The following SNX5 variants were observed in gnomAD, a reference collection of about 807,000 sequenced individuals.
SNX5 encodes sorting nexin-5.
In SNX5, 31 loss-of-function variants were observed where a neutral mutation model predicts 53.9. That is an observed-to-expected ratio of 0.58 (90% CI 0.43 to 0.78). SNX5 has a LOEUF of 0.78. SNX5 is among the 30% of genes least tolerant of loss of function. SNX5 has a pLI of 0.00. For synonymous variants in SNX5, 168 were observed against 171.1 expected (o/e 0.98, Z 0.14); for missense variants, 471 against 478.8 (o/e 0.98, Z 0.15).
intron 4 of SNX5, among the ~76,000 whole-genome samples, chr20:17,952,976 A>G (rs2039591301): frequency 6.6e-6 from 1 of 152,252 alleles, no homozygotes; most frequent in Non-Finnish European, 1.5e-5. Flanking sequence ...ACATGCAATT[A>G]CTGTTACTTA....
rs1331738398 is a variant in SNX5 at position 17,956,697 on chromosome 20, A to AC, written c.156+235_156+236insG. Among the ~76,000 whole-genome samples the AC allele has an allele frequency of 3.6e-3, 452 of 126,454 alleles. 2 individuals are homozygous for AC. Among genetic ancestry groups the AC allele is most frequent in the Non-Finnish European group, 6.3e-3 (352 of 56,144 alleles). The allele number at this position is 126,454 out of a possible 152,430, so 83.0% of individuals were successfully genotyped here. On this transcript the variant is annotated intron_variant, in intron 2 of 12. Coordinates refer to ENST00000377759, the MANE Select transcript of SNX5 (RefSeq NM_014426.4). ...CCAAAAAAAAAAAAAAAAAAAAAAA[A>AC]AAAAAAACAAAAAAACAATGCCCAC...
Position 17,951,530 on chromosome 20 carries a change from A to G in SNX5, c.579T>C (p.Ser193=). 6.2e-7 allele frequency: 1 copy of G among 1,612,062 alleles called. No homozygotes were observed. Among genetic ancestry groups the G allele is most frequent in the Non-Finnish European group, 8.5e-7 (1 of 1,179,626 alleles). The change falls in exon 6 of 13, where the codon AGT becomes AGC. Residue 193 remains serine (S), a synonymous_variant. Coordinates refer to ENST00000377759, the MANE Select transcript of SNX5 (RefSeq NM_014426.4). ...FGGFFKSVVK[S]ADEVLFTGVK... ...CTCCAGTAAAAAGGACTTCATCAGCACTTTTCACCACACTTTTGAAGAAGC... is the reference window on the plus strand; with the variant it reads ...CTCCAGTAAAAAGGACTTCATCAGCGCTTTTCACCACACTTTTGAAGAAGC...
chr20:17,945,693 G>A (rs1455896741), intron 11 of SNX5, among the ~76,000 whole-genome samples: 2 of 151,778 alleles, frequency 1.3e-5, no homozygotes, highest in East Asian at 3.9e-4. Flanking sequence ...ACCCAACACA[G>A]CCTCAGAGCC....
At chr20:17,955,982 G>A (rs2035346543) in intron 2 of SNX5, among the ~76,000 whole-genome samples, 1 of 152,060 alleles carries the variant, frequency 6.6e-6, no homozygotes, top group African/African-American at 2.4e-5. Flanking sequence ...TTTTGGAAGA[G>A]ACAGGTTTTT....
chr20:17,968,575 C>A lies in SNX5; in HGVS notation c.-150G>T. ...CCGACGGCGGCAGGAGGCCTCCGGA[C>A]TCCGCCACCATCCCAGCTGCCCCGG... On this transcript the variant is annotated 5_prime_UTR_variant, in exon 1 of 13. Transcript: ENST00000377759. 1.4e-6 allele frequency: 1 copy of A among 707,600 alleles called. No individual in the cohort carries two copies. The highest frequency in any genetic ancestry group is 2.6e-5 in the Admixed American group (1 of 38,812). 43.8% of individuals were successfully genotyped at this position (707,600 alleles called of 1,614,324 possible). A position where few individuals can be genotyped will look rare whatever the true frequency, so the allele number is the denominator to read the frequency against.
intron 10 of SNX5, 95 bp downstream of exon 10, chr20:17,948,795 G>T: frequency 1.0e-6 from 1 of 981,458 alleles, no homozygotes; most frequent in Non-Finnish European, 1.6e-6. Flanking sequence ...AAACAAGTCT[G>T]ATAAATTCTT....
intron 2 of SNX5, 97 bp downstream of exon 2, chr20:17,956,836 G>T: frequency 1.4e-6 from 1 of 733,634 alleles, no homozygotes; most frequent in Non-Finnish European, 2.5e-6. Context: ...CCTACGAATA[G>T]CAACTGTTTC....
rs1600367826 is a variant in SNX5 at position 17,968,467 on chromosome 20, G to C, written c.-42C>G. On this transcript the variant is annotated 5_prime_UTR_variant, in exon 1 of 13. Coordinates refer to ENST00000377759, the MANE Select transcript of SNX5 (RefSeq NM_014426.4). ...AGCAGGGGCCGCCTGGCTGTGCGAG[G>C]AAAGAAGAAGCTGGGCCGCCGCCGC... 3.1e-6 allele frequency: 4 copies of C among 1,280,414 alleles called. No homozygotes were observed. The highest frequency in any genetic ancestry group is 4.0e-6 in the Non-Finnish European group (4 of 1,011,368). 79.3% of individuals were successfully genotyped at this position (1,280,414 alleles called of 1,614,324 possible).
At chr20:17,963,449 GCCGAGACC>G (rs1238492687) in intron 1 of SNX5, among the ~76,000 whole-genome samples, 2 of 152,192 alleles carry the variant, frequency 1.3e-5, no homozygotes, top group Non-Finnish European at 1.5e-5. Flanking sequence ...CTGGGAGCAG[GCCGAGACC>G]CTGAGACCCT....
rs559889863 is a variant in SNX5, at chr20:17,951,493, C to A, written c.609+7G>T. The A allele has an allele frequency of 1.1e-5, 18 of 1,598,156 alleles. No homozygotes were observed. The East Asian group carries it at 3.4e-4, about 30-fold the overall frequency. On this transcript the variant is annotated splice_region_variant and intron_variant, in intron 6 of 12. Transcript: ENST00000377759. Reference sequence around the variant, plus strand: ...AAAATTTTCTCCAACAGCCAAAGGTCACTTACCTTAACTCCAGTAAAAAGG... The same window carrying A: ...AAAATTTTCTCCAACAGCCAAAGGTAACTTACCTTAACTCCAGTAAAAAGG...
At chr20:17,958,677 A>G (rs1307034933) in intron 1 of SNX5, among the ~76,000 whole-genome samples, 1 of 152,198 alleles carries the variant, frequency 6.6e-6, no homozygotes, top group Admixed American at 6.5e-5. Flanking sequence ...TAATTTTCAC[A>G]TGTCCATTTG....
intron 8 of SNX5, among the ~76,000 whole-genome samples, chr20:17,949,390 T>C (rs2295455): frequency 0.27 from 41,472 of 152,144 alleles, 6,002 homozygotes; most frequent in East Asian, 0.44. Context: ...AAACCAAGGT[T>C]GGTTTCTAAT....
chr20:17,968,104 C>A, intron 1 of SNX5: 1 of 398,986 alleles, frequency 2.5e-6, no homozygotes, highest in Non-Finnish European at 4.4e-6. Context: ...GAGATCATCT[C>A]TCCAAGTCCG....
At chr20:17,947,995 G>A (rs575619004) in intron 10 of SNX5, among the ~76,000 whole-genome samples, 12 of 152,296 alleles carry the variant, frequency 7.9e-5, no homozygotes, top group South Asian at 4.1e-4. Flanking sequence ...CAAGTTGAGC[G>A]CTGCTAAAAT....
Position 17,951,534 on chromosome 20 carries a change from T to C in SNX5, c.575A>G (p.Lys192Arg). Residue 192 changes from lysine to arginine, a missense_variant, in exon 6 of 13, where the codon AAA (lysine) becomes AGA (arginine). Coordinates refer to ENST00000377759, the MANE Select transcript of SNX5 (RefSeq NM_014426.4). ...MFGGFFKSVV[K>R]SADEVLFTGV... Reference sequence around the variant, plus strand: ...AGTAAAAAGGACTTCATCAGCACTTTTCACCACACTTTTGAAGAAGCCACC... The same window carrying C: ...AGTAAAAAGGACTTCATCAGCACTTCTCACCACACTTTTGAAGAAGCCACC... 6.2e-7 allele frequency: 1 copy of C among 1,612,314 alleles called. No individual in the cohort carries two copies. The highest frequency in any genetic ancestry group is 8.5e-7 in the Non-Finnish European group (1 of 1,179,790).
At chr20:17,959,868 TGCCAG>T (rs2035420481) in intron 1 of SNX5, among the ~76,000 whole-genome samples, 1 of 152,048 alleles carries the variant, frequency 6.6e-6, no homozygotes, top group Admixed American at 6.6e-5. Flanking sequence ...GCTAAATAAT[TGCCAG>T]GCTCCACTCT....
intron 10 of SNX5, among the ~76,000 whole-genome samples, chr20:17,948,073 T>C (rs1436930106): frequency 1.3e-5 from 2 of 152,230 alleles, no homozygotes; most frequent in Non-Finnish European, 2.9e-5. Context: ...GTAATCTACC[T>C]TGGAGATCCA....
chr20:17,956,911 A>G, intron 2 of SNX5, 22 bp downstream of exon 2: 2 of 1,200,492 alleles, frequency 1.7e-6, no homozygotes, highest in Non-Finnish European at 1.2e-6. Context: ...CACTGTATGT[A>G]TTACCACTGC....
chr20:17,956,672 CCAAAA>C (rs2035360711), intron 2 of SNX5, among the ~76,000 whole-genome samples: 1 of 45,780 alleles, frequency 2.2e-5, no homozygotes, highest in African/African-American at 1.0e-4. Flanking sequence ...GAGACTGTCT[CCAAAA>C]AAAAAAAAAA....
Sources: gnomAD v4.1 joint callset for allele counts (sites outside exome capture counted in the v4.1 genomes callset) on GRCh38, gnomAD v4.1.1 for gene constraint, MANE v1.5 for transcripts, NCBI Gene and HGNC (gene_info 2026-07-23, HGNC 2026-07-21) for gene names.